Variants in CRNKL1 observed in about 807,000 individuals in gnomAD.
The protein encoded by CRNKL1 is crooked neck-like protein 1.
A neutral mutation model predicts 103.7 loss-of-function variants in CRNKL1; 35 were observed. The ratio of observed to expected loss-of-function variants is 0.34; its 90% confidence interval spans 0.26 to 0.45. The LOEUF is 0.45. CRNKL1 is among the 20% of genes least tolerant of loss of function. The probability of loss-of-function intolerance (pLI) is 1.00; values close to 1 mark genes in which losing one functional copy is unlikely to be tolerated. For missense variants in CRNKL1, 645 were observed against 836.0 expected, an observed-to-expected ratio of 0.77 and a Z score of 2.82; for synonymous variants, 267 against 282.6, an observed-to-expected ratio of 0.94 and a Z score of 0.55.
rs766681713 is a variant in CRNKL1, at chr20:20,047,841, C to T, written c.546G>A (p.Glu182=). The T allele has an allele frequency of 2.5e-6, 4 of 1,614,230 alleles. No individual in the cohort carries two copies. The highest frequency in any genetic ancestry group is 3.4e-6 in the Non-Finnish European group (4 of 1,180,038). The change falls in exon 5 of 14, where the codon GAG becomes GAA. Residue 182 remains glutamate, a synonymous_variant. Coordinates refer to ENST00000536226, the MANE Select transcript of CRNKL1 (RefSeq NM_001278628.2). The stretch of plus-strand genomic sequence containing the variant: ...AGTTGATGTAGGAGTGCCAGGCTTG[C>T]TCCTCAGGCTGCCACTCCATCCAGC... ...FERWMEWQPE[E]QAWHSYINFE... is the part of the protein sequence containing the mutation.
At chr20:20,040,620 A>C in intron 10 of CRNKL1, 66 bp downstream of exon 10, 1 of 1,225,306 alleles carries the variant, frequency 8.2e-7, no homozygotes, top group East Asian at 2.3e-5. Flanking sequence ...ACAACTTCCA[A>C]GCACCAAGAT....
chr20:20,041,610 T>C lies in CRNKL1; in HGVS notation c.1180A>G (p.Arg394Gly). Residue 394 changes from arginine to glycine, a missense_variant, in exon 9 of 14, where the codon AGA (arginine) becomes GGA (glycine). By Grantham distance (125) the Arg-to-Gly change is moderately radical (BLOSUM62 -2). Around this residue, in one of 2 missense-constraint regions of CRNKL1, gnomAD observed 582 missense variants for 707.7 expected, o/e 0.82. Coordinates refer to ENST00000536226, the MANE Select transcript of CRNKL1 (RefSeq NM_001278628.2). ...TCCAAAGAGGCTTGATACACCTGTC[T>C]TGTCCTCTCAGGATCCTGTATTAGG... ...ELEAKDPERT[R>G]QVYQASLELI... The C allele has an allele frequency of 1.9e-6, 3 of 1,613,332 alleles. No individual in the cohort carries two copies. Among genetic ancestry groups the C allele is most frequent in the Non-Finnish European group, 2.5e-6 (3 of 1,179,310 alleles).
Position 20,042,515 on chromosome 20 carries a change from G to A in CRNKL1, c.974C>T (p.Ala325Val), listed in dbSNP as rs1466884119. Residue 325 changes from alanine (A) to valine (V), a missense_variant and splice_region_variant, in exon 8 of 14, where the codon GCG (alanine) becomes GTG (valine). Physicochemically the swap from Ala to Val is moderately conservative, Grantham distance 64. Coordinates refer to ENST00000536226, the MANE Select transcript of CRNKL1 (RefSeq NM_001278628.2). ...RRFQYEEEVK[A>V]NPHNYDAWFD... ...CCATGCATCATAATTGTGTGGATTC[G>A]CCTAGAAAGACAACCAGTTTAATAA... The A allele has an allele frequency of 2.5e-6, 4 of 1,597,638 alleles. No homozygotes were observed. The highest frequency in any genetic ancestry group is 1.1e-5 in the South Asian group (1 of 88,216).
In CRNKL1 at chr20:20,049,444, A is replaced by C. The variant is rs1335215534; in HGVS notation, c.205-13T>G. The stretch of plus-strand genomic sequence containing the variant: ...TATCTTCAAAAGTCTGGAAGAAGGC[A>C]AAAAGGGTCAAGTCAAAAGACAAAT... On this transcript the variant is annotated splice_polypyrimidine_tract_variant and intron_variant, in intron 2 of 13. Coordinates refer to ENST00000536226, the MANE Select transcript of CRNKL1 (RefSeq NM_001278628.2). 3.6e-6 allele frequency: 5 copies of C among 1,400,910 alleles called. No individual in the cohort carries two copies. In the African/African-American group the frequency reaches 7.2e-5, roughly 20 times the overall value. 86.8% of individuals were successfully genotyped at this position (1,400,910 alleles called of 1,614,324 possible). A position where few individuals can be genotyped will look rare whatever the true frequency, so the allele number is the denominator to read the frequency against.
chr20:20,055,942 A>G (rs892093258), upstream of CRNKL1: 8 of 1,599,712 alleles, frequency 5.0e-6, no homozygotes, highest in Non-Finnish European at 6.0e-6. Flanking sequence ...TCATTTTGTG[A>G]CCTACTGTTT....
chr20:20,038,387 G>C lies in CRNKL1; in HGVS notation c.1609C>G (p.Leu537Val). Residue 537 changes from leucine (L) to valine (V), a missense_variant, in exon 12 of 14, where the codon CTT becomes GTT. Around this residue, in one of 2 missense-constraint regions of CRNKL1, gnomAD observed 582 missense variants for 707.7 expected, o/e 0.82. Coordinates refer to ENST00000536226, the MANE Select transcript of CRNKL1 (RefSeq NM_001278628.2). ...EQEETERTRN[L>V]YRRLLQRTQH... ...GTCCGTTGAAGCAACCGCCGGTAAAGGTTTCGTGTTCTTTCTGTTTCTTCC... is the reference window on the plus strand; with the variant it reads ...GTCCGTTGAAGCAACCGCCGGTAAACGTTTCGTGTTCTTTCTGTTTCTTCC... 5 of 1,552,554 alleles carry C rather than the reference G, an allele frequency of 3.2e-6. No individual in the cohort carries two copies. Among genetic ancestry groups the C allele is most frequent in the Non-Finnish European group, 4.4e-6 (5 of 1,147,186 alleles).
At chr20:20,046,540 T>C (rs1298793567) in intron 5 of CRNKL1, among the ~76,000 whole-genome samples, 1 of 152,244 alleles carries the variant, frequency 6.6e-6, no homozygotes, top group Non-Finnish European at 1.5e-5. Flanking sequence ...ACTGAACCAC[T>C]GCTCCTAGGA....
chr20:20,049,566 T>C (rs1301391403), intron 2 of CRNKL1, 135 bp from the exon 3 acceptor site: 2 of 585,042 alleles, frequency 3.4e-6, no homozygotes, highest in African/African-American at 1.9e-5. Context: ...CCTGGAATCC[T>C]TGAGGAATAA....
chr20:20,037,715 T>G, intron 12 of CRNKL1, 144 bp from the exon 13 acceptor site: 1 of 702,672 alleles, frequency 1.4e-6, no homozygotes, highest in East Asian at 2.7e-5. Context: ...ACAATGAATA[T>G]ATGCTTCAAT....
intron 7 of CRNKL1, among the ~76,000 whole-genome samples, chr20:20,043,086 G>A (rs994361518): frequency 6.6e-6 from 1 of 152,162 alleles, no homozygotes; most frequent in Non-Finnish European, 1.5e-5. Flanking sequence ...AAAAAGAGAT[G>A]CCGATGGAAC....
At chr20:20,048,925 A>G (rs1416946005) in intron 3 of CRNKL1, among the ~76,000 whole-genome samples, 3 of 152,188 alleles carry the variant, frequency 2.0e-5, no homozygotes, top group Admixed American at 6.5e-5. Flanking sequence ...GGAGTGGCAC[A>G]TACACAGGCA....
At chr20:20,041,000 T>C (rs3748491) in intron 9 of CRNKL1, among the ~76,000 whole-genome samples, 50,202 of 152,072 alleles carry the variant, frequency 0.33, 9,954 homozygotes, top group Non-Finnish European at 0.44. Context: ...TGGTAACCTC[T>C]CCTGAGAACC....
At chr20:20,054,394 G>A (rs1035589626), upstream of CRNKL1, among the ~76,000 whole-genome samples, 17 of 137,994 alleles carry the variant, frequency 1.2e-4, no homozygotes, top group African/African-American at 5.2e-4. Context: ...GAATGAGCTA[G>A]GGATATATAT....
chr20:20,054,018 T>G (rs796898312), upstream of CRNKL1, among the ~76,000 whole-genome samples: 5 of 119,284 alleles, frequency 4.2e-5, no homozygotes, highest in African/African-American at 6.5e-5. Context: ...TGTTTGTTTT[T>G]TTTTTTTTTT....
chr20:20,043,370 G>C, intron 7 of CRNKL1, 122 bp downstream of exon 7: 1 of 954,234 alleles, frequency 1.0e-6, no homozygotes, highest in Non-Finnish European at 1.6e-6. Context: ...TTGGATCACG[G>C]GCACATCATC....
At chr20:20,049,464 A>G in intron 2 of CRNKL1, 33 bp from the exon 3 acceptor site, 1 of 1,141,908 alleles carries the variant, frequency 8.8e-7, no homozygotes, top group Non-Finnish European at 1.3e-6. Context: ...AAGTCAAAAG[A>G]CAAATGACTA....
At chr20:20,040,355 G>C (rs1600244837) in intron 10 of CRNKL1, among the ~76,000 whole-genome samples, 1 of 148,876 alleles carries the variant, frequency 6.7e-6, no homozygotes, top group South Asian at 2.1e-4. Flanking sequence ...GAAAAAAAAA[G>C]TGGAACAATT....
At chr20:20,041,247 T>A (rs980555992) in intron 9 of CRNKL1, among the ~76,000 whole-genome samples, 3 of 152,274 alleles carry the variant, frequency 2.0e-5, no homozygotes, top group African/African-American at 7.2e-5. Context: ...ACACACTCAC[T>A]GTTACCAACA....
At chr20:20,049,657 G>T (rs2146503606) in intron 2 of CRNKL1, among the ~76,000 whole-genome samples, 1 of 152,234 alleles carries the variant, frequency 6.6e-6, no homozygotes. Context: ...AAATGTTTTT[G>T]ACTATTACCT....
Sources: gnomAD v4.1 joint callset for allele counts (sites outside exome capture counted in the v4.1 genomes callset) on GRCh38, gnomAD v4.1.1 for gene constraint, gnomAD v4.1.1 regional missense constraint, MANE v1.5 for transcripts, NCBI Gene and HGNC (gene_info 2026-07-23, HGNC 2026-07-21) for gene names.